Variants in GARIN2 observed in about 807,000 individuals in gnomAD.
GARIN2 encodes Golgi-associated RAB2 interactor protein 2.
the GARIN2 span, chr14:67,204,666 G>A: frequency 5.6e-6 from 9 of 1,613,960 alleles, no homozygotes; most frequent in South Asian, 1.1e-5. Context: ...AGGACACCTT[G>A]TTTTCTCAAT....
the GARIN2 span, among the ~76,000 whole-genome samples, chr14:67,209,542 G>A: frequency 6.6e-5 from 10 of 152,012 alleles, no homozygotes; most frequent in African/African-American, 1.5e-4. Flanking sequence ...ATAATAGGCC[G>A]GGTGTGGTGG....
chr14:67,222,464 G>T, the GARIN2 span, among the ~76,000 whole-genome samples: 2 of 152,012 alleles, frequency 1.3e-5, no homozygotes, highest in Non-Finnish European at 2.9e-5. Flanking sequence ...ACTAAATTTT[G>T]TATTTTTCAC....
chr14:67,225,202 G>C, the GARIN2 span: 2 of 1,545,416 alleles, frequency 1.3e-6, no homozygotes, highest in Non-Finnish European at 1.7e-6. Flanking sequence ...GAATGAATGT[G>C]AGGAAAGAAA....
the GARIN2 span, among the ~76,000 whole-genome samples, chr14:67,190,823 T>C: frequency 1.3e-5 from 2 of 152,202 alleles, no homozygotes; most frequent in Non-Finnish European, 2.9e-5. Context: ...GTAAGAATCT[T>C]GGGAAAAATC....
At chr14:67,218,934 C>G in the GARIN2 span, among the ~76,000 whole-genome samples, 1 of 151,946 alleles carries the variant, frequency 6.6e-6, no homozygotes, top group Non-Finnish European at 1.5e-5. Context: ...GATCCTGGCC[C>G]AGGTTCTGCA....
the GARIN2 span, chr14:67,228,337 A>C: frequency 2.1e-6 from 1 of 485,324 alleles, no homozygotes; most frequent in African/African-American, 2.1e-5. Context: ...TATTTAGTTC[A>C]TCTTGTCTTA....
the GARIN2 span, among the ~76,000 whole-genome samples, chr14:67,227,168 G>A: frequency 1.3e-5 from 2 of 151,880 alleles, no homozygotes; most frequent in Admixed American, 6.6e-5. Flanking sequence ...CCAGCTGGGC[G>A]TGGTGGCTCA....
chr14:67,225,970 CGCGCGT>C, the GARIN2 span, among the ~76,000 whole-genome samples: 1 of 104,808 alleles, frequency 9.5e-6, no homozygotes, highest in Admixed American at 9.0e-5. Context: ...TGTGCGCGCG[CGCGCGT>C]GCGCATGCGC....
the GARIN2 span, among the ~76,000 whole-genome samples, chr14:67,193,776 C>A: frequency 1.4e-5 from 2 of 138,132 alleles, no homozygotes; most frequent in Admixed American, 7.3e-5. Context: ...GACCCAATTT[C>A]TACAAAAAAA....
chr14:67,207,275 C>T, the GARIN2 span, among the ~76,000 whole-genome samples: 3 of 151,990 alleles, frequency 2.0e-5, no homozygotes, highest in Non-Finnish European at 4.4e-5. Context: ...GTGAGGGCCT[C>T]AGGGAACTTA....
the GARIN2 span, among the ~76,000 whole-genome samples, chr14:67,209,819 GAAAAAA>G: frequency 1.3e-5 from 1 of 76,926 alleles, no homozygotes; most frequent in Non-Finnish European, 2.5e-5. Flanking sequence ...CTCCATCTCG[GAAAAAA>G]AAAAAAAAAA....
the GARIN2 span, among the ~76,000 whole-genome samples, chr14:67,196,400 AG>A: frequency 6.6e-6 from 1 of 151,772 alleles, no homozygotes. Flanking sequence ...TATTTTCAGT[AG>A]AGACAGGATT....
the GARIN2 span, chr14:67,203,349 TG>T: frequency 1.4e-6 from 2 of 1,403,260 alleles, no homozygotes. Context: ...ATTAGCCCTG[TG>T]GATCTGAAAA....
the GARIN2 span, chr14:67,199,993 G>A: frequency 9.1e-5 from 96 of 1,055,972 alleles, no homozygotes; most frequent in Non-Finnish European, 1.3e-4. Flanking sequence ...GATGCAGCTG[G>A]CACACCATGG....
chr14:67,216,469 A>G, the GARIN2 span, among the ~76,000 whole-genome samples: 1 of 151,840 alleles, frequency 6.6e-6, no homozygotes, highest in Non-Finnish European at 1.5e-5. Flanking sequence ...ATGCTTTTCT[A>G]GTTCCTCAAG....
the GARIN2 span, among the ~76,000 whole-genome samples, chr14:67,208,895 T>C: frequency 8.9e-6 from 1 of 112,302 alleles, no homozygotes; most frequent in Non-Finnish European, 1.8e-5. Flanking sequence ...AAACTCTGTC[T>C]CAAAAAAAAA....
the GARIN2 span, among the ~76,000 whole-genome samples, chr14:67,211,877 T>C: frequency 6.6e-6 from 1 of 152,162 alleles, no homozygotes; most frequent in Admixed American, 6.5e-5. Flanking sequence ...TTATTATATA[T>C]TGATAAAAAA....
At chr14:67,203,109 G>A in the GARIN2 span, 1 of 1,612,908 alleles carries the variant, frequency 6.2e-7, no homozygotes, top group Non-Finnish European at 8.5e-7. Context: ...CAGAAGAGGT[G>A]AATCCATTTA....
At chr14:67,200,551 TA>T in the GARIN2 span, 156 of 235,280 alleles carry the variant, frequency 6.6e-4, no homozygotes, top group South Asian at 8.8e-4. Flanking sequence ...ACTCCTTGTT[TA>T]AAAAAAAATG....
Sources: gnomAD v4.1 joint callset for allele counts (sites outside exome capture counted in the v4.1 genomes callset) on GRCh38, gnomAD v4.1.1 for gene constraint, MANE v1.5 for transcripts, NCBI Gene and HGNC (gene_info 2026-07-23, HGNC 2026-07-21) for gene names.